CNKSR2: variants seen among roughly 807,000 people sequenced by gnomAD.
CNKSR2 encodes connector enhancer of kinase suppressor of Ras 2, also known as CNK homolog protein 2.
CNKSR2 carries 14 observed loss-of-function variants against 84.4 expected under a neutral mutation model. The observed-to-expected ratio is 0.17, with a 90% CI of 0.11 to 0.26. The LOEUF (loss-of-function observed/expected upper bound fraction) is 0.26. Among genes scored for constraint, CNKSR2 ranks in the 10% least tolerant of loss-of-function variants. The pLI is 1.00. For missense variants in CNKSR2, 485 were observed against 771.2 expected, an observed-to-expected ratio of 0.63 and a Z score of 4.40; for synonymous variants, 275 against 277.9, an observed-to-expected ratio of 0.99 and a Z score of 0.10.
intron 20 of CNKSR2, among the ~76,000 whole-genome samples, chrX:21,612,295 A>G (rs908626317): frequency 8.9e-6 from 1 of 112,137 alleles, no homozygotes; most frequent in African/African-American, 3.2e-5. Flanking sequence ...AGCTGTGGCC[A>G]TTACATCAGC....
At chrX:21,542,055 C>A (rs1161466053) in intron 11 of CNKSR2, among the ~76,000 whole-genome samples, 1 of 112,115 alleles carries the variant, frequency 8.9e-6, no homozygotes, top group Non-Finnish European at 1.9e-5. Flanking sequence ...AACGAGCATG[C>A]ATTTACATAG....
chrX:21,419,559 A>G (rs962478950), intron 1 of CNKSR2, among the ~76,000 whole-genome samples: 2 of 111,227 alleles, frequency 1.8e-5, no homozygotes, highest in Admixed American at 9.6e-5. Flanking sequence ...GGCATTCCAG[A>G]TATTCAAAAG....
chrX:21,609,666 C>G, intron 20 of CNKSR2, 49 bp downstream of exon 20: 1 of 1,107,108 alleles, frequency 9.0e-7, no homozygotes, highest in Non-Finnish European at 1.2e-6. Context: ...AAGTCCTGAC[C>G]TTTTCAAACT....
At chrX:21,458,197 A>G (rs2091017996) in intron 4 of CNKSR2, among the ~76,000 whole-genome samples, 1 of 112,657 alleles carries the variant, frequency 8.9e-6, no homozygotes, top group African/African-American at 3.2e-5. Context: ...TTGGATATTG[A>G]AATGTAAATT....
chrX:21,516,248 T>A (rs1441075350), intron 8 of CNKSR2, among the ~76,000 whole-genome samples: 1 of 111,515 alleles, frequency 9.0e-6, no homozygotes, highest in Non-Finnish European at 1.9e-5. Flanking sequence ...ACCATTTTAG[T>A]CTTTGATTTG....
chrX:21,500,565 A>C (rs1477810833), intron 7 of CNKSR2, among the ~76,000 whole-genome samples: 1 of 111,202 alleles, frequency 9.0e-6, no homozygotes, highest in Non-Finnish European at 1.9e-5. Context: ...TATATTCAAA[A>C]GCATATTAAA....
chrX:21,454,867 C>T (rs1381289653), intron 4 of CNKSR2, among the ~76,000 whole-genome samples: 1 of 111,892 alleles, frequency 8.9e-6, no homozygotes, highest in Non-Finnish European at 1.9e-5. Context: ...GTCTAAGTTT[C>T]AGATATAAGG....
rs748141449 is a variant in CNKSR2 at position 21,589,264 on chromosome X, C to CTA, written c.1609-1306_1609-1305dup. Among the ~76,000 whole-genome samples the CTA allele has an allele frequency of 1.7e-4, 19 of 111,986 alleles. No homozygotes were observed. In the South Asian group the frequency reaches 7.0e-3, roughly 42 times the overall value. ...TTAGGACTGATACACATCCGTAGTACTATGTTCATTAGACTTATATAAATC... is the reference window on the plus strand; with the variant it reads ...TTAGGACTGATACACATCCGTAGTACTATATGTTCATTAGACTTATATAAATC... On this transcript the variant is annotated intron_variant, in intron 13 of 21. Transcript: ENST00000379510.
intron 5 of CNKSR2, among the ~76,000 whole-genome samples, chrX:21,488,342 G>C (rs1261354522): frequency 8.9e-6 from 1 of 111,923 alleles, no homozygotes; most frequent in African/African-American, 3.2e-5. Context: ...TCATGTCTTA[G>C]CATGTCAGCC....
chrX:21,446,013 C>T (rs1192942769), intron 4 of CNKSR2, among the ~76,000 whole-genome samples: 1 of 111,508 alleles, frequency 9.0e-6, no homozygotes, highest in Non-Finnish European at 1.9e-5. Context: ...GTGAAATATA[C>T]ATTCTGTTTT....
chrX:21,482,482 G>A (rs779862126), intron 5 of CNKSR2, among the ~76,000 whole-genome samples: 1 of 112,305 alleles, frequency 8.9e-6, no homozygotes, highest in African/African-American at 3.2e-5. Context: ...AAGGATTTAA[G>A]TAATTAGAAG....
intron 11 of CNKSR2, among the ~76,000 whole-genome samples, chrX:21,542,850 C>G (rs990365442): frequency 4.5e-5 from 5 of 111,699 alleles, no homozygotes; most frequent in African/African-American, 9.8e-5. Flanking sequence ...ATTGAAAATC[C>G]AGGACCTCAC....
At chrX:21,387,728 A>T (rs1420948702) in intron 1 of CNKSR2, among the ~76,000 whole-genome samples, 1 of 110,876 alleles carries the variant, frequency 9.0e-6, no homozygotes, top group Non-Finnish European at 1.9e-5. Context: ...GTTATGTAAT[A>T]TCTCCTGAAA....
At chrX:21,625,898 TGA>T in intron 20 of CNKSR2, among the ~76,000 whole-genome samples, 1 of 112,073 alleles carries the variant, frequency 8.9e-6, no homozygotes, top group Non-Finnish European at 1.9e-5. Flanking sequence ...ACTGAGATTT[TGA>T]ATTAAGATGT....
intron 4 of CNKSR2, among the ~76,000 whole-genome samples, chrX:21,453,117 G>A: frequency 9.0e-6 from 1 of 110,816 alleles, no homozygotes; most frequent in Admixed American, 9.8e-5. Context: ...AGAAAGAAAT[G>A]GAGAATAATG....
chrX:21,426,726 T>A, intron 2 of CNKSR2, 66 bp downstream of exon 2: 1 of 1,082,076 alleles, frequency 9.2e-7, no homozygotes, highest in Non-Finnish European at 1.2e-6. Flanking sequence ...TTTCCCTTTT[T>A]TCTTCTCCTC....
chrX:21,501,556 G>A lies in CNKSR2; in HGVS notation c.778G>A (p.Asp260Asn). 1 of 1,168,489 alleles carries A rather than the reference G, an allele frequency of 8.6e-7. No individual in the cohort carries two copies. The highest frequency in any genetic ancestry group is 1.2e-6 in the Non-Finnish European group (1 of 864,365). The change falls in exon 8 of 22, where the codon GAT (aspartate) becomes AAT (asparagine). Residue 260 changes from aspartate to asparagine, a missense_variant. Coordinates refer to ENST00000379510, the MANE Select transcript of CNKSR2 (RefSeq NM_014927.5). ...TCGGTGCAAGAAAATCCATGCTGGC[G>A]ATGAAGTGATTCAAGTTAATCATCA... Reference protein sequence around the residue: ...ADRCKKIHAGDEVIQVNHQTV... With the variant: ...ADRCKKIHAGNEVIQVNHQTV...
chrX:21,405,183 CA>C (rs898785379), intron 1 of CNKSR2, among the ~76,000 whole-genome samples: 8 of 111,403 alleles, frequency 7.2e-5, no homozygotes, highest in Admixed American at 3.8e-4. Flanking sequence ...AAGGCTCACA[CA>C]AAAATAATCT....
In CNKSR2 at chrX:21,440,667, A is replaced by G. The variant is rs777427370; in HGVS notation, c.432-27A>G. On this transcript the variant is annotated intron_variant, in intron 3 of 21. Coordinates refer to ENST00000379510, the MANE Select transcript of CNKSR2 (RefSeq NM_014927.5). ...GACTTTTCAAAAGCTGTTACTAGTA[A>G]TCACAATTTTCCTTTTCCCTTTATA... 3.1e-6 allele frequency: 3 copies of G among 965,140 alleles called. No individual in the cohort carries two copies. The Admixed American group carries it at 7.7e-5, about 25-fold the overall frequency. The allele number at this position is 965,140 out of a possible 1,213,427, so 79.5% of individuals were successfully genotyped here. A position where few individuals can be genotyped will look rare whatever the true frequency, so the allele number is the denominator to read the frequency against.
Sources: gnomAD v4.1 joint callset for allele counts (sites outside exome capture counted in the v4.1 genomes callset) on GRCh38, gnomAD v4.1.1 for gene constraint, MANE v1.5 for transcripts, NCBI Gene and HGNC (gene_info 2026-07-23, HGNC 2026-07-21) for gene names.